CNTNAP2: variants seen among roughly 807,000 people sequenced by gnomAD.
The protein encoded by CNTNAP2 is contactin-associated protein-like 2.
CNTNAP2 carries 98 observed loss-of-function variants against 155.2 expected under a neutral mutation model. That is an observed-to-expected ratio of 0.63 (90% CI 0.54 to 0.75). CNTNAP2 has a LOEUF of 0.75. Ranked by LOEUF, CNTNAP2 falls within the 30% of genes least tolerant of loss-of-function variation. The pLI is 0.00. For synonymous variants in CNTNAP2, 651 were observed against 631.2 expected (o/e 1.03, Z -0.47); for missense variants, 1,727 against 1,688.1 (o/e 1.02, Z -0.40).
intron 1 of CNTNAP2, among the ~76,000 whole-genome samples, chr7:146,253,154 C>G (rs113114253): frequency 6.6e-6 from 1 of 152,208 alleles, no homozygotes; most frequent in African/African-American, 2.4e-5. Context: ...GCCTTCCCCT[C>G]TGTGATTGCT....
At chr7:147,254,632 A>G (rs1584822585) in intron 8 of CNTNAP2, among the ~76,000 whole-genome samples, 1 of 152,144 alleles carries the variant, frequency 6.6e-6, no homozygotes, top group Non-Finnish European at 1.5e-5. Context: ...TTTTGGTTAT[A>G]TATGGGAAAT....
rs377233911 is a variant in CNTNAP2, at chr7:148,182,472, C to T, written c.3010+9994C>T. Among the ~76,000 whole-genome samples the T allele has an allele frequency of 5.6e-4, 85 of 152,304 alleles. 3 individuals carry two copies. In the East Asian group the frequency reaches 9.4e-3, roughly 17 times the overall value. ...TTTCTTCACTCCACAACCATTTGCG[C>T]GCTTATCATTTCCAACAGGCAGCTC... On this transcript the variant is annotated intron_variant, in intron 18 of 23. Transcript: ENST00000361727.
At chr7:147,226,287 G>T (rs1803542057) in intron 8 of CNTNAP2, among the ~76,000 whole-genome samples, 2 of 152,272 alleles carry the variant, frequency 1.3e-5, no homozygotes, top group Non-Finnish European at 2.9e-5. Context: ...TATGATCGAG[G>T]TCTTTACTGA....
chr7:146,150,972 C>T (rs73452043), intron 1 of CNTNAP2, among the ~76,000 whole-genome samples: 2,807 of 152,142 alleles, frequency 0.018, 79 homozygotes, highest in African/African-American at 0.062. Flanking sequence ...GAAGAGGCCT[C>T]AGGAAACTTA....
At chr7:147,179,356 AG>A (rs1802411161) in intron 8 of CNTNAP2, among the ~76,000 whole-genome samples, 1 of 152,184 alleles carries the variant, frequency 6.6e-6, no homozygotes, top group Non-Finnish European at 1.5e-5. Context: ...GTCCTCTCTG[AG>A]GAGACAATAT....
chr7:146,343,843 T>A (rs73162158), intron 1 of CNTNAP2, among the ~76,000 whole-genome samples: 12,617 of 152,024 alleles, frequency 0.083, 1,118 homozygotes, highest in African/African-American at 0.22. Context: ...CTATATATAA[T>A]TGGTAAATGG....
chr7:146,758,750 G>C (rs934431533), intron 1 of CNTNAP2, among the ~76,000 whole-genome samples: 17 of 152,158 alleles, frequency 1.1e-4, no homozygotes, highest in African/African-American at 4.1e-4. Flanking sequence ...AGTGGAAATT[G>C]TGAGAGTTAA....
chr7:147,722,853 AG>A (rs1796585346), intron 13 of CNTNAP2, among the ~76,000 whole-genome samples: 1 of 152,120 alleles, frequency 6.6e-6, no homozygotes, highest in Non-Finnish European at 1.5e-5. Context: ...GTCAAAATAA[AG>A]GGAAGCTAGA....
At chr7:147,555,976 C>G (rs1321481240) in intron 11 of CNTNAP2, among the ~76,000 whole-genome samples, 2 of 152,198 alleles carry the variant, frequency 1.3e-5, no homozygotes, top group Non-Finnish European at 2.9e-5. Context: ...AAACCTTTTG[C>G]TTTTCTCTTT....
chr7:146,647,488 G>A (rs188298208), intron 1 of CNTNAP2, among the ~76,000 whole-genome samples: 1 of 151,936 alleles, frequency 6.6e-6, no homozygotes, highest in South Asian at 2.1e-4. Flanking sequence ...TTGTTTCTTG[G>A]TTGTTACTAG....
intron 15 of CNTNAP2, among the ~76,000 whole-genome samples, chr7:148,110,290 C>T (rs562730694): frequency 6.6e-6 from 1 of 152,046 alleles, no homozygotes; most frequent in Admixed American, 6.5e-5. Flanking sequence ...ATCTGCCTCA[C>T]GTTGCCCAGT....
intron 3 of CNTNAP2, among the ~76,000 whole-genome samples, chr7:146,938,616 A>T (rs1440592584): frequency 6.6e-6 from 1 of 151,940 alleles, no homozygotes; most frequent in African/African-American, 2.4e-5. Flanking sequence ...TAAATGTTAG[A>T]TTCTGTTTAG....
intron 1 of CNTNAP2, among the ~76,000 whole-genome samples, chr7:146,460,402 A>G (rs980341609): frequency 6.6e-6 from 1 of 152,160 alleles, no homozygotes; most frequent in African/African-American, 2.4e-5. Context: ...GAACTACTCT[A>G]TGATCTAGCA....
rs185875818 is a variant in CNTNAP2, at chr7:146,772,693, A to G, written c.98-1578A>G. Among the ~76,000 whole-genome samples, 578 of 151,260 alleles carry G rather than the reference A, an allele frequency of 3.8e-3. 1 individual carries two copies. Among genetic ancestry groups the G allele is most frequent in the Non-Finnish European group, 6.1e-3 (409 of 67,380 alleles). ...CAAATAAAAATAAAAAAGAAAAAAGAGGAAAGGGGCCATGGTGGCTAGACA... is the reference window on the plus strand; with the variant it reads ...CAAATAAAAATAAAAAAGAAAAAAGGGGAAAGGGGCCATGGTGGCTAGACA... On this transcript the variant is annotated intron_variant, in intron 1 of 23. Coordinates refer to ENST00000361727, the MANE Select transcript of CNTNAP2 (RefSeq NM_014141.6).
chr7:148,267,770 A>G (rs1311679832), intron 21 of CNTNAP2, among the ~76,000 whole-genome samples: 2 of 152,176 alleles, frequency 1.3e-5, no homozygotes, highest in Non-Finnish European at 1.5e-5. Context: ...GGCATAAACT[A>G]CAACCCAAGC....
At chr7:147,079,607 GATAATA>G (rs199892012) in intron 4 of CNTNAP2, among the ~76,000 whole-genome samples, 3 of 147,396 alleles carry the variant, frequency 2.0e-5, no homozygotes, top group Non-Finnish European at 3.0e-5. Flanking sequence ...TAATAATAAT[GATAATA>G]ATAATAATAA....
intron 16 of CNTNAP2, among the ~76,000 whole-genome samples, chr7:148,118,556 G>A (rs576495671): frequency 3.9e-5 from 6 of 152,180 alleles, no homozygotes; most frequent in Non-Finnish European, 7.3e-5. Flanking sequence ...GAATGTGGGA[G>A]AGGAATGTTT....
intron 1 of CNTNAP2, among the ~76,000 whole-genome samples, chr7:146,752,554 C>T (rs918899114): frequency 6.6e-6 from 1 of 152,110 alleles, no homozygotes. Flanking sequence ...AAAATTTTCT[C>T]CCATTCTATA....
At chr7:146,817,510 A>G (rs1309740428) in intron 2 of CNTNAP2, among the ~76,000 whole-genome samples, 1 of 152,072 alleles carries the variant, frequency 6.6e-6, no homozygotes, top group Non-Finnish European at 1.5e-5. Flanking sequence ...TTTATATAAA[A>G]TAAAAAGAGG....
Sources: gnomAD v4.1 joint callset for allele counts (sites outside exome capture counted in the v4.1 genomes callset) on GRCh38, gnomAD v4.1.1 for gene constraint, MANE v1.5 for transcripts, NCBI Gene and HGNC (gene_info 2026-07-23, HGNC 2026-07-21) for gene names.